The following KLC3 variants were observed in gnomAD, a reference collection of about 807,000 sequenced individuals.
The protein encoded by KLC3 is kinesin light chain 3.
KLC3 carries 72 observed loss-of-function variants against 62.9 expected under a neutral mutation model. That is an observed-to-expected ratio of 1.15 (90% confidence interval 0.95 to 1.39). The LOEUF (loss-of-function observed/expected upper bound fraction) is 1.39. Among genes scored for constraint, KLC3 ranks in the 40% most tolerant of loss-of-function variants. KLC3 has a pLI of 0.00. For synonymous variants in KLC3, 377 were observed against 300.5 expected (o/e 1.25, Z -2.63); for missense variants, 848 against 691.6 (o/e 1.23, Z -2.54).
At chr19:45,346,456 C>G (rs1197740366) in intron 2 of KLC3, 88 bp from the exon 3 acceptor site, 4 of 1,122,692 alleles carry the variant, frequency 3.6e-6, no homozygotes, top group Non-Finnish European at 5.0e-6. Flanking sequence ...TAGTGGGGTG[C>G]TACGGCCTGA....
In KLC3 at chr19:45,348,598, G is replaced by GC. The variant is rs763374457; in HGVS notation, c.780-44dup. On this transcript the variant is annotated intron_variant, in intron 5 of 12. Coordinates refer to ENST00000391946, the MANE Select transcript of KLC3 (RefSeq NM_177417.3). ...TGGCCCAGCCCCTGTGGCTGCAGCTGCCCCAACCCTTGGCTAACCCCCTCC... is the reference window on the plus strand; with the variant it reads ...TGGCCCAGCCCCTGTGGCTGCAGCTGCCCCCAACCCTTGGCTAACCCCCTCC... 2.0e-6 allele frequency: 3 copies of GC among 1,533,980 alleles called. No homozygotes were observed. In the East Asian group the frequency reaches 7.3e-5, roughly 38 times the overall value.
At position 45,345,657 on chromosome 19, in the gene KLC3, C is replaced by T; in HGVS notation, c.116C>T (p.Ala39Val). 1.3e-6 allele frequency: 2 copies of T among 1,583,570 alleles called. No individual in the cohort carries two copies. The highest frequency in any genetic ancestry group is 1.7e-6 in the Non-Finnish European group (2 of 1,166,346). The change falls in exon 2 of 13, where the codon GCA becomes GTA. Residue 39 changes from alanine (A) to valine (V), a missense_variant. Transcript: ENST00000391946. ...GTCCAGGGGCTGGAGGCGCTGCGGG[C>T]AGAGCACCATGGCCTGGCTGGGCAC... ...QVVQGLEALR[A>V]EHHGLAGHLA... is the part of the protein sequence containing the mutation.
In KLC3 at chr19:45,349,440, T is replaced by C. The variant is rs1971602969; in HGVS notation, c.981T>C (p.Ala327=). Residue 327 remains alanine (A), a synonymous_variant, in exon 8 of 13, where the codon GCT becomes GCC. Coordinates refer to ENST00000391946, the MANE Select transcript of KLC3 (RefSeq NM_177417.3). ...ALEIREKVLG[A]DHPDVAKQLN... is the part of the protein sequence containing the mutation. ...CCCCTGGCCCCCAGGTCCTGGGTGC[T>C]GACCACCCAGATGTGGCCAAGCAGC... The C allele has an allele frequency of 1.2e-6, 2 of 1,608,944 alleles. No homozygotes were observed. The highest frequency in any genetic ancestry group is 1.7e-5 in the Admixed American group (1 of 59,464).
Position 45,345,812 on chromosome 19 carries a change from C to A in KLC3, c.258+13C>A. 6.5e-7 allele frequency: 1 copy of A among 1,529,458 alleles called. No individual in the cohort carries two copies. Among genetic ancestry groups the A allele is most frequent in the African/African-American group, 1.4e-5 (1 of 71,948 alleles). 94.7% of individuals were successfully genotyped at this position (1,529,458 alleles called of 1,614,324 possible). ...GGGCGAGGCCCAGGTATGAGGGGGC[C>A]AGGTGGGGAGCTGGGGGAAGGTCAG... On this transcript the variant is annotated intron_variant, in intron 2 of 12. Transcript: ENST00000391946.
At chr19:45,343,554 C>T (rs76812368) in intron 1 of KLC3, among the ~76,000 whole-genome samples, 5,637 of 152,176 alleles carry the variant, frequency 0.037, 296 homozygotes, top group East Asian at 0.23. Flanking sequence ...AGGCCAGTCT[C>T]AAACTCCTGA....
Position 45,351,103 on chromosome 19 carries a change from G to T in KLC3, c.1443+86G>T, listed in dbSNP as rs3916897. Reference sequence around the variant, plus strand: ...CAAAGGCAGGGCGGTCGGGCCAGTGGTGGAGTCAGCAGGTGGTGGGTTGGT... The same window carrying T: ...CAAAGGCAGGGCGGTCGGGCCAGTGTTGGAGTCAGCAGGTGGTGGGTTGGT... On this transcript the variant is annotated intron_variant, in intron 12 of 12. Coordinates refer to ENST00000391946, the MANE Select transcript of KLC3 (RefSeq NM_177417.3). 8.6e-4 allele frequency: 1,382 copies of T among 1,609,744 alleles called. 5 individuals are homozygous for T. In the African/African-American group the frequency reaches 0.012, roughly 14 times the overall value.
At chr19:45,347,730 C>T (rs1190380322) in intron 4 of KLC3, among the ~76,000 whole-genome samples, 2 of 152,192 alleles carry the variant, frequency 1.3e-5, no homozygotes, top group Non-Finnish European at 2.9e-5. Flanking sequence ...TCCCACAGGG[C>T]AGGTGGGCTG....
At chr19:45,341,578 T>TGTGTGTGTGTGTGTGTGTGTGCGC in intron 1 of KLC3, among the ~76,000 whole-genome samples, 159 of 139,880 alleles carry the variant, frequency 1.1e-3, no homozygotes, top group African/African-American at 4.2e-3. Flanking sequence ...TGTGTGTGTG[T>TGTGTGTGTGTGTGTGTGTGTGCGC]GCGCGCGCGC....
chr19:45,340,872 ACT>A (rs949354492), intron 1 of KLC3, 26 bp downstream of exon 1: 4 of 150,352 alleles, frequency 2.7e-5, no homozygotes, highest in African/African-American at 9.8e-5. Flanking sequence ...GGGGCGCGGG[ACT>A]CTCGGAGAGC....
At chr19:45,345,319 G>T (rs1232003055) in intron 1 of KLC3, 2 of 647,980 alleles carry the variant, frequency 3.1e-6, no homozygotes, top group Non-Finnish European at 5.4e-6. Flanking sequence ...GACGAAGGTA[G>T]ACAAGACTGT....
rs1186353697 is a variant in KLC3 at position 45,350,679 on chromosome 19, GTC to G, written c.1313_1314del (p.Ser438TyrfsTer6). The G allele has an allele frequency of 6.8e-6, 11 of 1,613,780 alleles. No homozygotes were observed. The Admixed American group carries it at 8.3e-5, about 12-fold the overall frequency. On this transcript the variant is annotated frameshift_variant, in exon 11 of 13. Coordinates refer to ENST00000391946, the MANE Select transcript of KLC3 (RefSeq NM_177417.3). LOFTEE classifies it high-confidence loss of function. ...RSSSLSKIRE[S>X]IRRGSEKLVS... is the part of the protein sequence containing the mutation. ...GCAGCTCACTCTCCAAGATCCGTGA[GTC>G]TATCAGGCGAGGAAGTGAGAAGCTG...
chr19:45,341,052 G>A (rs1209910965), intron 1 of KLC3, among the ~76,000 whole-genome samples: 3 of 152,094 alleles, frequency 2.0e-5, no homozygotes, highest in Non-Finnish European at 4.4e-5. Flanking sequence ...CGAGGACGGG[G>A]CGGGGCCTGG....
chr19:45,344,114 G>A (rs1253049844), intron 1 of KLC3, among the ~76,000 whole-genome samples: 3 of 151,398 alleles, frequency 2.0e-5, no homozygotes, highest in African/African-American at 7.3e-5. Context: ...GTACAGGTGT[G>A]AGCCACCGCA....
In KLC3 at chr19:45,348,829, A is replaced by G; in HGVS notation, c.877A>G (p.Thr293Ala). The G allele has an allele frequency of 6.4e-7, 1 of 1,568,520 alleles. No individual in the cohort carries two copies. Among genetic ancestry groups the G allele is most frequent in the Non-Finnish European group, 8.6e-7 (1 of 1,156,602 alleles). Residue 293 changes from threonine (T) to alanine (A), a missense_variant, in exon 7 of 13, where the codon ACG becomes GCG. Physicochemically the swap from Thr to Ala is moderately conservative, Grantham distance 58 (BLOSUM62 0). Transcript: ENST00000391946. ...LGPEHPAVAA[T>A]LNNLAVLYGK... Reference sequence around the variant, plus strand: ...TCCCCCAACCCCGCAGGTGGCCGCCACGCTCAACAACTTGGCTGTCCTCTA... The same window carrying G: ...TCCCCCAACCCCGCAGGTGGCCGCCGCGCTCAACAACTTGGCTGTCCTCTA...
chr19:45,350,310 G>C lies in KLC3; in HGVS notation c.1144-31G>C, dbSNP rs202228508. ...GATGCAGTGTTGGGAACTGGGGTCC[G>C]AAAAGTTCCCAGACACTCCCTTCTC... On this transcript the variant is annotated intron_variant, in intron 8 of 12. Coordinates refer to ENST00000391946, the MANE Select transcript of KLC3 (RefSeq NM_177417.3). 16 of 1,587,386 alleles carry C rather than the reference G, an allele frequency of 1.0e-5. No individual in the cohort carries two copies. The South Asian group carries it at 1.8e-4, about 18-fold the overall frequency.
At chr19:45,350,274 A>AAT in intron 8 of KLC3, 67 bp from the exon 9 acceptor site, 1 of 1,145,804 alleles carries the variant, frequency 8.7e-7, no homozygotes, top group Non-Finnish European at 1.3e-6. Context: ...AAAAAAAAAA[A>AAT]GGCGGGACTG....
At chr19:45,351,144 G>C in intron 12 of KLC3, 127 bp downstream of exon 12, 1 of 1,596,932 alleles carries the variant, frequency 6.3e-7, no homozygotes, top group African/African-American at 1.3e-5. Flanking sequence ...AAGAGACCCA[G>C]GACAGGAGCA....
In KLC3 at chr19:45,351,013, C is replaced by T. The variant is rs1241996383; in HGVS notation, c.1439C>T (p.Thr480Ile). The T allele has an allele frequency of 2.5e-6, 4 of 1,614,004 alleles. No individual in the cohort carries two copies. Among genetic ancestry groups the T allele is most frequent in the African/African-American group, 2.7e-5 (2 of 74,896 alleles). The change falls in exon 12 of 13, where the codon ACT becomes ATT. Residue 480 changes from threonine (T) to isoleucine (I), a missense_variant. By Grantham distance (89) the Thr-to-Ile change is moderately conservative. Coordinates refer to ENST00000391946, the MANE Select transcript of KLC3 (RefSeq NM_177417.3). The stretch of plus-strand genomic sequence containing the variant: ...GTGGATGCTCCAAGGGCTCCTGGGA[C>T]TCAGGTGAGGGGGACATCTGGGTCA... The part of the protein sequence containing the change: ...LNVDAPRAPG[T>I]QFPSWHLDKA...
At chr19:45,349,913 T>C (rs924789942) in intron 8 of KLC3, 3 of 437,920 alleles carry the variant, frequency 6.9e-6, no homozygotes, top group African/African-American at 2.0e-5. Flanking sequence ...CTAGTTCTTA[T>C]AGCGTCCCTA....
Sources: allele counts gnomAD v4.1 joint callset (sites outside exome capture counted in the v4.1 genomes callset), GRCh38; gene constraint gnomAD v4.1.1; transcripts MANE v1.5; gene names NCBI Gene and HGNC (gene_info 2026-07-23, HGNC 2026-07-21).